SEPTIN6: variants seen among roughly 807,000 people sequenced by gnomAD.
SEPTIN6 encodes septin-6.
Under a neutral mutation model 33.6 loss-of-function variants are expected in SEPTIN6, and 8 were observed. The observed-to-expected ratio is 0.24, with a 90% CI of 0.14 to 0.43. The LOEUF is 0.43. Among genes scored for constraint, SEPTIN6 ranks in the 20% least tolerant of loss-of-function variants. The pLI is 1.00. For missense variants in SEPTIN6, 250 were observed against 340.8 expected (o/e 0.73, Z 2.10); for synonymous variants, 131 against 140.0 (o/e 0.94, Z 0.45).
intron 5 of SEPTIN6, among the ~76,000 whole-genome samples, chrX:119,643,474 A>G (rs2054191046): frequency 9.0e-6 from 1 of 110,519 alleles, no homozygotes; most frequent in Non-Finnish European, 1.9e-5. Flanking sequence ...TTTTACCATC[A>G]AGAGACACCG....
rs770865725 is a variant in SEPTIN6, at chrX:119,640,729, C to T, written c.750G>A (p.Met250Ile). Residue 250 changes from methionine (M) to isoleucine (I), a missense_variant, in exon 6 of 11, where the codon ATG becomes ATA. Physicochemically the swap from Met to Ile is conservative, Grantham distance 10. Transcript: ENST00000394610. ...CCCAAGGATACTGCCGCGCCCTCAT[C>T]ATCTTGTTGCCTATCTTCAGTTCTT... ...STEELKIGNK[M>I]MRARQYPWGT... 1.7e-6 allele frequency: 2 copies of T among 1,209,607 alleles called. No individual in the cohort carries two copies. Among genetic ancestry groups the T allele is most frequent in the African/African-American group, 3.5e-5 (2 of 57,125 alleles).
chrX:119,628,551 G>A (rs1198531749), intron 9 of SEPTIN6, among the ~76,000 whole-genome samples: 2 of 104,427 alleles, frequency 1.9e-5, no homozygotes, highest in African/African-American at 7.1e-5. Context: ...TGTCGCCCAG[G>A]CTGGAGTGCA....
intron 3 of SEPTIN6, 26 bp downstream of exon 3, chrX:119,663,456 C>CCA: frequency 1.0e-4 from 83 of 808,398 alleles, no homozygotes; most frequent in Non-Finnish European, 1.3e-4. Context: ...CCTCCCCACC[C>CCA]TACCCCACCC....
chrX:119,676,308 A>C (rs1016811513), intron 1 of SEPTIN6, among the ~76,000 whole-genome samples: 1 of 110,098 alleles, frequency 9.1e-6, no homozygotes, highest in Non-Finnish European at 1.9e-5. Context: ...ACCAAAAAAA[A>C]CAAAAATTAG....
At chrX:119,645,279 G>T (rs143763530) in intron 5 of SEPTIN6, among the ~76,000 whole-genome samples, 1 of 70,901 alleles carries the variant, frequency 1.4e-5, no homozygotes, top group Non-Finnish European at 2.6e-5. Flanking sequence ...TCACTCTGTC[G>T]CCAGGCTGGA....
At chrX:119,674,501 G>A (rs1438936374) in intron 2 of SEPTIN6, among the ~76,000 whole-genome samples, 2 of 111,968 alleles carry the variant, frequency 1.8e-5, no homozygotes, top group Non-Finnish European at 3.8e-5. Context: ...AGAAGGAACC[G>A]TTATCCCTCA....
At chrX:119,686,875 C>T (rs186213771) in intron 1 of SEPTIN6, among the ~76,000 whole-genome samples, 147 of 111,806 alleles carry the variant, frequency 1.3e-3, no homozygotes, top group African/African-American at 4.5e-3. Context: ...CCCTAGTATA[C>T]TCTTCCCTGG....
In SEPTIN6 at chrX:119,619,856, G is replaced by A. The variant is rs1401738000; in HGVS notation, c.*237C>T. The A allele has an allele frequency of 4.7e-6, 5 of 1,072,333 alleles. No homozygotes were observed. Among genetic ancestry groups the A allele is most frequent in the South Asian group, 5.2e-5 (2 of 38,633 alleles). The allele number at this position is 1,072,333 out of a possible 1,213,427, so 88.4% of individuals were successfully genotyped here. ...GGACTGGGATGCAGGATGCATCTGCGAGCCACATGACTGTTGGCTTCTTGA... is the reference window on the plus strand; with the variant it reads ...GGACTGGGATGCAGGATGCATCTGCAAGCCACATGACTGTTGGCTTCTTGA... On this transcript the variant is annotated 3_prime_UTR_variant, in exon 11 of 11. Coordinates refer to ENST00000394610, the MANE Select transcript of SEPTIN6 (RefSeq NM_145799.4).
At chrX:119,616,494 G>A (rs201785976), downstream of SEPTIN6, 1,089 of 505,457 alleles carry the variant, frequency 2.2e-3, 5 homozygotes, top group Non-Finnish European at 3.2e-3. Flanking sequence ...TTCTTTTCCT[G>A]CCTTGTTAGT....
In SEPTIN6 at chrX:119,618,571, G is replaced by C; in HGVS notation, c.*1522C>G. On this transcript the variant is annotated 3_prime_UTR_variant, in exon 11 of 11. Coordinates refer to ENST00000394610, the MANE Select transcript of SEPTIN6 (RefSeq NM_145799.4). The stretch of plus-strand genomic sequence containing the variant: ...AAAAAAAATAGAAGTAGGTGGTCAT[G>C]GTCAGTGCCAGTGGGGCTGGGAGGC... 10 of 985,707 alleles carry C rather than the reference G, an allele frequency of 1.0e-5. No homozygotes were observed. Among genetic ancestry groups the C allele is most frequent in the Non-Finnish European group, 1.2e-5 (9 of 777,984 alleles). 81.2% of individuals were successfully genotyped at this position (985,707 alleles called of 1,213,427 possible).
chrX:119,669,997 T>C (rs1166528889), intron 2 of SEPTIN6, among the ~76,000 whole-genome samples: 1 of 111,751 alleles, frequency 8.9e-6, no homozygotes, highest in Non-Finnish European at 1.9e-5. Context: ...AGCATTTAGA[T>C]GGATGAGTCT....
At chrX:119,661,210 G>A (rs1430831724) in intron 3 of SEPTIN6, among the ~76,000 whole-genome samples, 4 of 107,777 alleles carry the variant, frequency 3.7e-5, no homozygotes, top group African/African-American at 1.4e-4. Context: ...TGGATTATGA[G>A]GTCAGGAGAT....
chrX:119,637,646 C>T (rs5909644), intron 6 of SEPTIN6, among the ~76,000 whole-genome samples: 1 of 78,674 alleles, frequency 1.3e-5, no homozygotes, highest in Admixed American at 1.4e-4. Context: ...CTCATCCATC[C>T]ATCTATCTAT....
In SEPTIN6 at chrX:119,617,866, C is replaced by T. The variant is rs1235412238; in HGVS notation, c.*2227G>A. On this transcript the variant is annotated 3_prime_UTR_variant, in exon 11 of 11. Transcript: ENST00000394610. ...AAACTCCTCCTTAGTTTCTGAAGGT[C>T]TCTCCAAGGCTGTGTGGGTCTAATA... 1 of 800,955 alleles carries T rather than the reference C, an allele frequency of 1.2e-6. No homozygotes were observed. Among genetic ancestry groups the T allele is most frequent in the Non-Finnish European group, 1.5e-6 (1 of 668,280 alleles). The allele number at this position is 800,955 out of a possible 1,213,427, so 66.0% of individuals were successfully genotyped here. A position where few individuals can be genotyped will look rare whatever the true frequency, so the allele number is the denominator to read the frequency against.
At chrX:119,624,154 T>TG (rs2053818715) in intron 10 of SEPTIN6, 39 of 242,014 alleles carry the variant, frequency 1.6e-4, no homozygotes, top group South Asian at 1.4e-3. Flanking sequence ...GTTTTTTTTT[T>TG]TTGTTTTTTT....
At chrX:119,690,346 CAT>C (rs1296316116) in intron 1 of SEPTIN6, among the ~76,000 whole-genome samples, 2,585 of 70,331 alleles carry the variant, frequency 0.037, 51 homozygotes, top group South Asian at 0.13. Flanking sequence ...CATACATACA[CAT>C]ACACACACAC....
intron 10 of SEPTIN6, among the ~76,000 whole-genome samples, chrX:119,621,095 T>A (rs912651817): frequency 9.2e-6 from 1 of 108,935 alleles, no homozygotes; most frequent in East Asian, 2.9e-4. Flanking sequence ...GCATTTCCTG[T>A]CCCATTGGGA....
At chrX:119,682,824 T>C (rs1296042046) in intron 1 of SEPTIN6, among the ~76,000 whole-genome samples, 1 of 111,664 alleles carries the variant, frequency 9.0e-6, no homozygotes, top group Non-Finnish European at 1.9e-5. Flanking sequence ...CAATGGAGAA[T>C]TTCCCGCCTC....
chrX:119,660,061 AC>A (rs781241296), intron 3 of SEPTIN6, among the ~76,000 whole-genome samples: 1,538 of 110,325 alleles, frequency 0.014, 13 homozygotes, highest in Non-Finnish European at 0.022. Context: ...TTTAGTAGAG[AC>A]GGGGGTTTCA....
Sources: allele counts gnomAD v4.1 joint callset (sites outside exome capture counted in the v4.1 genomes callset), GRCh38; gene constraint gnomAD v4.1.1; transcripts MANE v1.5; gene names NCBI Gene and HGNC (gene_info 2026-07-23, HGNC 2026-07-21).